The following EPPK1 variants were observed in gnomAD, a reference collection of about 807,000 sequenced individuals.
The protein encoded by EPPK1 is epiplakin.
For synonymous variants in EPPK1, 1,862 were observed against 1,721.2 expected, an observed-to-expected ratio of 1.08 and a Z score of -2.03; for missense variants, 3,823 against 3,673.3, an observed-to-expected ratio of 1.04 and a Z score of -1.05.
At position 143,857,563 on chromosome 8, in the gene EPPK1, T is replaced by A; in HGVS notation, c.*424A>T. The A allele has an allele frequency of 1.2e-5, 2 of 166,478 alleles. No homozygotes were observed. Among genetic ancestry groups the A allele is most frequent in the South Asian group, 1.9e-4 (1 of 5,336 alleles). The allele number at this position is 166,478 out of a possible 1,614,324, so 10.3% of individuals were successfully genotyped here. A position where few individuals can be genotyped will look rare whatever the true frequency, so the allele number is the denominator to read the frequency against. ...TAGACACTGGCTGATGGAAAATGAG[T>A]TTGAAGATGAACGTGAATAGCACAT... On this transcript the variant is annotated 3_prime_UTR_variant, in exon 2 of 2. Coordinates refer to ENST00000615648, the MANE Select transcript of EPPK1 (RefSeq NM_031308.4).
rs1227186628 is a variant in EPPK1, at chr8:143,869,992, C to T, written c.3262G>A (p.Asp1088Asn). The change falls in exon 2 of 2, where the codon GAC becomes AAC. Residue 1088 changes from aspartate to asparagine, a missense_variant. Physicochemically the swap from Asp to Asn is conservative, Grantham distance 23. Coordinates refer to ENST00000615648, the MANE Select transcript of EPPK1 (RefSeq NM_031308.4). ...SSSSETFPTPDGQGRTSYAQL... is the reference protein window; with the variant it reads ...SSSSETFPTPNGQGRTSYAQL... ...GCATAGCTCGTGCGCCCCTGGCCGT[C>T]CGGTGTGGGGAAGGTTTCGGAGGAG... 3 of 1,608,520 alleles carry T rather than the reference C, an allele frequency of 1.9e-6. No homozygotes were observed. Among genetic ancestry groups the T allele is most frequent in the Non-Finnish European group, 2.5e-6 (3 of 1,177,580 alleles).
rs782037614 is a variant in EPPK1 at position 143,866,746 on chromosome 8, T to C, written c.6508A>G (p.Lys2170Glu). 5.0e-6 allele frequency: 8 copies of C among 1,613,500 alleles called. No homozygotes were observed. The Admixed American group carries it at 1.0e-4, about 20-fold the overall frequency. The change falls in exon 2 of 2, where the codon AAA becomes GAA. Residue 2170 changes from lysine to glutamate, a missense_variant. By Grantham distance (56) the Lys-to-Glu change is moderately conservative. Coordinates refer to ENST00000615648, the MANE Select transcript of EPPK1 (RefSeq NM_031308.4). ...CTAATTCCTTGGAACCACAGGTGTT[T>C]GTTGCTGGTTTCCTGCTTCTCGATC... Reference protein sequence around the residue: ...ELIEKQETSNKHLWFQGIRRQ... With the variant: ...ELIEKQETSNEHLWFQGIRRQ...
In EPPK1 at chr8:143,867,677, C is replaced by A. The variant is rs782342687; in HGVS notation, c.5577G>T (p.Leu1859=). 6.2e-7 allele frequency: 1 copy of A among 1,613,476 alleles called. No homozygotes were observed. The highest frequency in any genetic ancestry group is 2.2e-5 in the East Asian group (1 of 44,876). ...AIRGEVTAAD[L]FNSRVIDQKT... is the part of the protein sequence containing the mutation. ...TCTGATCGATGACCCTGGAGTTGAA[C>A]AGGTCTGCAGCTGTCACCTCCCCTC... Residue 1859 remains leucine, a synonymous_variant, in exon 2 of 2, where the codon CTG becomes CTT. Coordinates refer to ENST00000615648, the MANE Select transcript of EPPK1 (RefSeq NM_031308.4).
Position 143,869,915 on chromosome 8 carries a change from C to T in EPPK1, c.3339G>A (p.Leu1113=), listed in dbSNP as rs1554660543. 6.2e-7 allele frequency: 1 copy of T among 1,609,304 alleles called. No homozygotes were observed. The highest frequency in any genetic ancestry group is 8.5e-7 in the Non-Finnish European group (1 of 1,178,350). ...PRDETSGLHL[L]PLPESAPALP... ...GGGCAGGAGCACTTTCTGGCAGGGG[C>T]AGGAGGTGAAGGCCAGAAGTCTCAT... Residue 1113 remains leucine (L), a synonymous_variant, in exon 2 of 2, where the codon CTG becomes CTA. Transcript: ENST00000615648.
At chr8:143,877,066 G>T (rs1819495781) in intron 1 of EPPK1, among the ~76,000 whole-genome samples, 1 of 152,282 alleles carries the variant, frequency 6.6e-6, no homozygotes, top group Non-Finnish European at 1.5e-5. Context: ...GCGCTTGGGA[G>T]CAGGGAGTCG....
rs895620182 is a variant in EPPK1, at chr8:143,867,067, C to T, written c.6187G>A (p.Val2063Ile). ...CTCTCCTGCAGCTCTCGGTACGAGACCTTCTCTTGCGTGTTCGGGTCCACA... is the reference window on the plus strand; with the variant it reads ...CTCTCCTGCAGCTCTCGGTACGAGATCTTCTCTTGCGTGTTCGGGTCCACA... Reference protein sequence around the residue: ...RFVDPNTQEKVSYRELQERCR... With the variant: ...RFVDPNTQEKISYRELQERCR... The change falls in exon 2 of 2, where the codon GTC becomes ATC. Residue 2063 changes from valine (V) to isoleucine (I), a missense_variant. Coordinates refer to ENST00000615648, the MANE Select transcript of EPPK1 (RefSeq NM_031308.4). 6.2e-7 allele frequency: 1 copy of T among 1,612,920 alleles called. No individual in the cohort carries two copies. Among genetic ancestry groups the T allele is most frequent in the Non-Finnish European group, 8.5e-7 (1 of 1,179,862 alleles).
Position 143,857,858 on chromosome 8 carries a change from A to G in EPPK1, c.*129T>C. 1 of 691,590 alleles carries G rather than the reference A, an allele frequency of 1.4e-6. No homozygotes were observed. Among genetic ancestry groups the G allele is most frequent in the South Asian group, 2.6e-5 (1 of 37,736 alleles). The allele number at this position is 691,590 out of a possible 1,614,324, so 42.8% of individuals were successfully genotyped here. A position where few individuals can be genotyped will look rare whatever the true frequency, so the allele number is the denominator to read the frequency against. On this transcript the variant is annotated 3_prime_UTR_variant, in exon 2 of 2. Transcript: ENST00000615648. ...CATGACAACTTAAAACGTTTTCCAC[A>G]GATAACGAATGGGTAAAACAACAAA... is the stretch of plus-strand genomic sequence containing the variant.
In EPPK1 at chr8:143,866,508, A is replaced by G. The variant is rs1259933264; in HGVS notation, c.6746T>C (p.Met2249Thr). 4.5e-6 allele frequency: 7 copies of G among 1,558,540 alleles called. No homozygotes were observed. Among genetic ancestry groups the G allele is most frequent in the African/African-American group, 1.4e-5 (1 of 72,576 alleles). Residue 2249 changes from methionine (M) to threonine (T), a missense_variant, in exon 2 of 2, where the codon ATG becomes ACG. Physicochemically the swap from Met to Thr is moderately conservative, Grantham distance 81 (BLOSUM62 -1). Coordinates refer to ENST00000615648, the MANE Select transcript of EPPK1 (RefSeq NM_031308.4). Reference sequence around the variant, plus strand: ...GCCGGGCCGCAGCACGCCCTTCCACATGGCCTGGTAGATGCTCATCTTCTC... The same window carrying G: ...GCCGGGCCGCAGCACGCCCTTCCACGTGGCCTGGTAGATGCTCATCTTCTC... ...RQEKMSIYQA[M>T]WKGVLRPGTA...
chr8:143,870,324 T>C lies in EPPK1; in HGVS notation c.2930A>G (p.His977Arg), dbSNP rs782250924. 5.0e-5 allele frequency: 79 copies of C among 1,565,228 alleles called. No homozygotes were observed. Among genetic ancestry groups the C allele is most frequent in the Non-Finnish European group, 6.5e-5 (76 of 1,161,728 alleles). ...QAATGTIMDPHSPESLSVDEA... is the reference protein window; with the variant it reads ...QAATGTIMDPRSPESLSVDEA... Reference sequence around the variant, plus strand: ...ATCCACCGAGAGGCTCTCTGGGCTGTGAGGGTCCATGATGGTTCCGGTGGC... The same window carrying C: ...ATCCACCGAGAGGCTCTCTGGGCTGCGAGGGTCCATGATGGTTCCGGTGGC... Residue 977 changes from histidine to arginine, a missense_variant, in exon 2 of 2, where the codon CAC becomes CGC. Physicochemically the swap from His to Arg is conservative, Grantham distance 29. Transcript: ENST00000615648. This position sits in a 1 kb window ranked among gnomAD's most constrained non-coding sequence, Gnocchi z 5.2.
At position 143,877,714 on chromosome 8, in the gene EPPK1, G is replaced by A. The variant is rs969073867; in HGVS notation, c.-46+724C>T. Among the ~76,000 whole-genome samples the A allele has an allele frequency of 3.9e-5, 6 of 152,280 alleles. No individual in the cohort carries two copies. The South Asian group carries it at 6.2e-4, about 16-fold the overall frequency. ...GAGGCAGCAGCCTTAGCTTCTGCCC[G>A]GCTGTGTGCCCTTGTGGGAAGACCC... On this transcript the variant is annotated intron_variant, in intron 1 of 1. Coordinates refer to ENST00000615648, the MANE Select transcript of EPPK1 (RefSeq NM_031308.4).
chr8:143,866,727 C>G lies in EPPK1; in HGVS notation c.6527G>C (p.Gly2176Ala), dbSNP rs1554659141. The stretch of plus-strand genomic sequence containing the variant: ...AGAAGCTGTGATCTGTCGTCTAATT[C>G]CTTGGAACCACAGGTGTTTGTTGCT... ...ETSNKHLWFQ[G>A]IRRQITASEL... Residue 2176 changes from glycine (G) to alanine (A), a missense_variant, in exon 2 of 2, where the codon GGA (glycine) becomes GCA (alanine). Gly to Ala is a moderately conservative substitution (Grantham distance 60). Transcript: ENST00000615648. The G allele has an allele frequency of 1.2e-6, 2 of 1,613,454 alleles. No homozygotes were observed. Among genetic ancestry groups the G allele is most frequent in the South Asian group, 1.1e-5 (1 of 91,084 alleles).
chr8:143,872,422 G>A lies in EPPK1; in HGVS notation c.832C>T (p.Arg278Trp), dbSNP rs377622455. 5.1e-5 allele frequency: 82 copies of A among 1,600,742 alleles called. No individual in the cohort carries two copies. The highest frequency in any genetic ancestry group is 2.1e-4 in the African/African-American group (16 of 74,912). Residue 278 changes from arginine to tryptophan, a missense_variant, in exon 2 of 2, where the codon CGG (arginine) becomes TGG (tryptophan). By Grantham distance (101) the Arg-to-Trp change is moderately radical. Coordinates refer to ENST00000615648, the MANE Select transcript of EPPK1 (RefSeq NM_031308.4). ...AVDVSARAEV[R>W]RYLEGTGSVA... ...CTGCCGGTACCCTCCAGGTAGCGCC[G>A]CACCTCGGCACGTGCACTCACGTCC... is the stretch of plus-strand genomic sequence containing the variant.
In EPPK1 at chr8:143,869,326, C is replaced by G; in HGVS notation, c.3928G>C (p.Gly1310Arg). Reference protein sequence around the residue: ...VEDAVKVGLVGRELSEQLGQA... With the variant: ...VEDAVKVGLVRRELSEQLGQA... Reference sequence around the variant, plus strand: ...CCGAGCTGCTCACTCAGCTCCCTGCCCACCAGGCCGACCTTAACCGCGTCC... The same window carrying G: ...CCGAGCTGCTCACTCAGCTCCCTGCGCACCAGGCCGACCTTAACCGCGTCC... Residue 1310 changes from glycine to arginine, a missense_variant, in exon 2 of 2, where the codon GGC (glycine) becomes CGC (arginine). Gly to Arg is a moderately radical substitution (Grantham distance 125). Transcript: ENST00000615648. 1 of 1,606,890 alleles carries G rather than the reference C, an allele frequency of 6.2e-7. No individual in the cohort carries two copies. The highest frequency in any genetic ancestry group is 2.2e-5 in the East Asian group (1 of 44,784).
In EPPK1 at chr8:143,869,380, G is replaced by A. The variant is rs781976286; in HGVS notation, c.3874C>T (p.Pro1292Ser). 1.9e-6 allele frequency: 3 copies of A among 1,610,358 alleles called. No individual in the cohort carries two copies. Among genetic ancestry groups the A allele is most frequent in the South Asian group, 1.1e-5 (1 of 90,892 alleles). Reference protein sequence around the residue: ...AQVASGFLVDPLNNQRLSVED... With the variant: ...AQVASGFLVDSLNNQRLSVED... ...ACTGACAGTCTCTGGTTGTTCAGGG[G>A]GTCAACAAGGAAGCCAGATGCCACC... The change falls in exon 2 of 2, where the codon CCC (proline) becomes TCC (serine). Residue 1292 changes from proline (P) to serine (S), a missense_variant. By Grantham distance (74) the Pro-to-Ser change is moderately conservative. Coordinates refer to ENST00000615648, the MANE Select transcript of EPPK1 (RefSeq NM_031308.4).
rs1470942284 is a variant in EPPK1 at position 143,870,435 on chromosome 8, G to A, written c.2819C>T (p.Ser940Phe). The change falls in exon 2 of 2, where the codon TCT (serine) becomes TTT (phenylalanine). Residue 940 changes from serine to phenylalanine, a missense_variant. Transcript: ENST00000615648. This position sits in a 1 kb window ranked among gnomAD's most constrained non-coding sequence, Gnocchi z 5.2. The part of the protein sequence containing the change: ...GAVGGVRLLP[S>F]GQRLSLYQAM... ...CTGGTAGAGGCTGAGCCGCTGGCCA[G>A]AGGGCAGCAGCCGCACACCGCCCAC... The A allele has an allele frequency of 1.8e-5, 28 of 1,597,364 alleles. No homozygotes were observed. The highest frequency in any genetic ancestry group is 2.4e-5 in the Non-Finnish European group (28 of 1,176,594).
chr8:143,872,615 C>G lies in EPPK1; in HGVS notation c.639G>C (p.Gln213His). 1 of 1,610,550 alleles carries G rather than the reference C, an allele frequency of 6.2e-7. No homozygotes were observed. Among genetic ancestry groups the G allele is most frequent in the South Asian group, 1.1e-5 (1 of 90,970 alleles). Residue 213 changes from glutamine to histidine, a missense_variant, in exon 2 of 2, where the codon CAG becomes CAC. Gln to His is a conservative substitution (Grantham distance 24). Coordinates refer to ENST00000615648, the MANE Select transcript of EPPK1 (RefSeq NM_031308.4). ...PNTLERLTYH[Q>H]LLERCVRAPG... ...GGGCACGCACACACCTTTCCAGCAG[C>G]TGGTGGTATGTCAGCCGCTCCAGCG...
chr8:143,868,893 T>G lies in EPPK1; in HGVS notation c.4361A>C (p.Lys1454Thr), dbSNP rs1563882954. The change falls in exon 2 of 2, where the codon AAG becomes ACG. Residue 1454 changes from lysine to threonine, a missense_variant. Transcript: ENST00000615648. ...DHTAVALRAMKVPVSTGRFKG... is the reference protein window; with the variant it reads ...DHTAVALRAMTVPVSTGRFKG... Reference sequence around the variant, plus strand: ...AAACCTCCCTGTGCTGACGGGCACCTTCATGGCCCTCAGAGCCACCGCGGT... The same window carrying G: ...AAACCTCCCTGTGCTGACGGGCACCGTCATGGCCCTCAGAGCCACCGCGGT... The G allele has an allele frequency of 6.2e-7, 1 of 1,610,868 alleles. No individual in the cohort carries two copies. Among genetic ancestry groups the G allele is most frequent in the Non-Finnish European group, 8.5e-7 (1 of 1,179,836 alleles).
Position 143,868,764 on chromosome 8 carries a change from G to C in EPPK1, c.4490C>G (p.Ala1497Gly), listed in dbSNP as rs964881215. 45 of 1,592,652 alleles carry C rather than the reference G, an allele frequency of 2.8e-5. No homozygotes were observed. The highest frequency in any genetic ancestry group is 3.8e-5 in the Non-Finnish European group (45 of 1,174,700). ...VALCRSGRAA[A>G]LRQVVSAVTT... is the part of the protein sequence containing the mutation. ...GACTGCGCTGACCACCTGCCGCAGG[G>C]CCGCAGCCCTCCCAGACCGACAGAG... is the stretch of plus-strand genomic sequence containing the variant. The change falls in exon 2 of 2, where the codon GCC (alanine) becomes GGC (glycine). Residue 1497 changes from alanine to glycine, a missense_variant. Physicochemically the swap from Ala to Gly is moderately conservative, Grantham distance 60. Coordinates refer to ENST00000615648, the MANE Select transcript of EPPK1 (RefSeq NM_031308.4).
chr8:143,859,202 C>A lies in EPPK1; in HGVS notation c.14052G>T (p.Gly4684=). The A allele has an allele frequency of 5.2e-6, 2 of 384,878 alleles. No individual in the cohort carries two copies. The highest frequency in any genetic ancestry group is 4.5e-6 in the Non-Finnish European group (1 of 220,956). 23.8% of individuals were successfully genotyped at this position (384,878 alleles called of 1,614,324 possible). A position where few individuals can be genotyped will look rare whatever the true frequency, so the allele number is the denominator to read the frequency against. Residue 4684 remains glycine, a synonymous_variant, in exon 2 of 2, where the codon GGG becomes GGT. Transcript: ENST00000615648. Reference sequence around the variant, plus strand: ...CGGCCAGCAGCTCCTCCCGGGCGGCCCCGCTCACGTAGCCGGACGCCAGCA... The same window carrying A: ...CGGCCAGCAGCTCCTCCCGGGCGGCACCGCTCACGTAGCCGGACGCCAGCA... ...WDVLASGYVS[G]AAREELLAEF... is the part of the protein sequence containing the mutation.
Sources: allele counts gnomAD v4.1 joint callset (sites outside exome capture counted in the v4.1 genomes callset), GRCh38; gene constraint gnomAD v4.1.1; non-coding constraint Gnocchi (gnomAD v3.1); transcripts MANE v1.5; gene names NCBI Gene and HGNC (gene_info 2026-07-23, HGNC 2026-07-21).